The following EVA1A variants were observed in gnomAD, a reference collection of about 807,000 sequenced individuals.
The protein encoded by EVA1A is eva-1 homolog A, regulator of programmed cell death, also known as protein eva-1 homolog A.
A neutral mutation model predicts 9.8 loss-of-function variants in EVA1A; 7 were observed. That is an observed-to-expected ratio of 0.71 (90% CI 0.41 to 1.34). The LOEUF is 1.34. EVA1A is among the 40% of genes most tolerant of loss of function. The probability of loss-of-function intolerance (pLI) is 0.01; values close to 1 mark genes in which losing one functional copy is unlikely to be tolerated. For synonymous variants in EVA1A, 90 were observed against 85.6 expected (o/e 1.05, Z -0.28); for missense variants, 206 against 205.9 (o/e 1.00, Z 0.00).
rs1553421964 is a variant in EVA1A, at chr2:75,555,338, C to CTCTCTCT, written c.-192+5341_-192+5342insAGAGAGA. Among the ~76,000 whole-genome samples, 377 of 40,134 alleles carry CTCTCTCT rather than the reference C, an allele frequency of 9.4e-3. 3 individuals are homozygous for CTCTCTCT. The highest frequency in any genetic ancestry group is 0.026 in the African/African-American group (359 of 13,594). 26.3% of individuals were successfully genotyped at this position (40,134 alleles called of 152,430 possible). A position where few individuals can be genotyped will look rare whatever the true frequency, so the allele number is the denominator to read the frequency against. On this transcript the variant is annotated intron_variant, in intron 1 of 3. Transcript: ENST00000393913. ...CTCTCTCTCTCTCTCTCTCTCTCTCCCCCATCTCCCCTTCTTTCCCTCTGT... is the reference window on the plus strand; with the variant it reads ...CTCTCTCTCTCTCTCTCTCTCTCTCCTCTCTCTCCCATCTCCCCTTCTTTCCCTCTGT...
Position 75,493,236 on chromosome 2 carries a change from C to T in EVA1A, c.459G>A (p.Ter153=), listed in dbSNP as rs1347362339. 1 of 1,609,742 alleles carries T rather than the reference C, an allele frequency of 6.2e-7. No individual in the cohort carries two copies. The highest frequency in any genetic ancestry group is 8.5e-7 in the Non-Finnish European group (1 of 1,177,824). Residue 153 remains the stop codon, a stop_retained_variant, in exon 4 of 4, where the codon TAG becomes TAA. Coordinates refer to ENST00000393913, the MANE Select transcript of EVA1A (RefSeq NM_001135032.2). ...PGTRSLNRYY[*] ...GTGGTTTCCGGGGTCCTGCTGCTCC[C>T]TAATAGTAGCGATTCAGGCTCCTGG... is the stretch of plus-strand genomic sequence containing the variant.
chr2:75,503,006 TGCC>T (rs1674482723), intron 3 of EVA1A, among the ~76,000 whole-genome samples: 1 of 152,220 alleles, frequency 6.6e-6, no homozygotes, highest in Non-Finnish European at 1.5e-5. Flanking sequence ...ACCACTGTTC[TGCC>T]TCTGTAGCTT....
chr2:75,496,164 G>A (rs985020292), intron 3 of EVA1A, among the ~76,000 whole-genome samples: 4 of 152,124 alleles, frequency 2.6e-5, no homozygotes, highest in African/African-American at 7.2e-5. Flanking sequence ...ACAAAAGGTG[G>A]TCTTGTAAGA....
rs143933884 is a variant in EVA1A at position 75,556,394 on chromosome 2, A to T, written c.-192+4286T>A. On this transcript the variant is annotated intron_variant, in intron 1 of 3. Transcript: ENST00000393913. ...AAAGTGGCAGCCAACGAAGTGTGAC[A>T]TCAGAGGCCTCAAGACCTGGCACCA... Among the ~76,000 whole-genome samples, 226 of 152,336 alleles carry T rather than the reference A, an allele frequency of 1.5e-3. 1 individual carries two copies. Among genetic ancestry groups the T allele is most frequent in the East Asian group, 0.015 (76 of 5,184 alleles).
In EVA1A at chr2:75,543,517, G is replaced by GA. The variant is rs796911668; in HGVS notation, c.-192+17162dup. Among the ~76,000 whole-genome samples, 491 of 147,736 alleles carry GA rather than the reference G, an allele frequency of 3.3e-3. 2 individuals are homozygous for GA. Among genetic ancestry groups the GA allele is most frequent in the African/African-American group, 0.011 (440 of 40,190 alleles). ...GGAAGTCAGCAGGAGGTGAGTGGGT[G>GA]AAAAAAAAACAAAAAAAACCTTGAC... On this transcript the variant is annotated intron_variant, in intron 1 of 3. Transcript: ENST00000393913.
In EVA1A at chr2:75,518,698, G is replaced by A. The variant is rs576697740; in HGVS notation, c.-68-490C>T. The A allele has an allele frequency of 1.0e-5, 10 of 987,144 alleles. No homozygotes were observed. The South Asian group carries it at 1.4e-4, about 14-fold the overall frequency. 61.1% of individuals were successfully genotyped at this position (987,144 alleles called of 1,614,324 possible). ...GTTCACCTTTGAGGCACAGCCCATC[G>A]GGTTCAAATCATCGTCACATTCATC... On this transcript the variant is annotated intron_variant, in intron 2 of 3. Transcript: ENST00000393913.
chr2:75,508,844 G>T (rs1674711714), intron 3 of EVA1A, among the ~76,000 whole-genome samples: 1 of 152,046 alleles, frequency 6.6e-6, no homozygotes, highest in Non-Finnish European at 1.5e-5. Context: ...CAAGCTGGCG[G>T]ACGCTTAGGG....
chr2:75,492,340 T>G lies in EVA1A; in HGVS notation c.*896A>C, dbSNP rs544965820. 1 of 152,086 alleles carries G rather than the reference T, an allele frequency of 6.6e-6. No individual in the cohort carries two copies. The highest frequency in any genetic ancestry group is 2.4e-5 in the African/African-American group (1 of 41,504). 9.4% of individuals were successfully genotyped at this position (152,086 alleles called of 1,614,324 possible). On this transcript the variant is annotated 3_prime_UTR_variant, in exon 4 of 4. Transcript: ENST00000393913. The stretch of plus-strand genomic sequence containing the variant: ...AAAAAGATTTTATGTAATGTTTATT[T>G]TTTTAATTCCCATCCTAACTTTGGC...
upstream of EVA1A, among the ~76,000 whole-genome samples, chr2:75,564,462 G>GAC (rs2104005408): frequency 6.6e-6 from 1 of 152,350 alleles, no homozygotes; most frequent in African/African-American, 2.4e-5. Flanking sequence ...CCAGCAGAGT[G>GAC]CACAGGGCTC....
intron 3 of EVA1A, among the ~76,000 whole-genome samples, chr2:75,496,777 A>G (rs1410508746): frequency 6.6e-6 from 1 of 152,178 alleles, no homozygotes; most frequent in Admixed American, 6.5e-5. Flanking sequence ...CACATTACCC[A>G]ACTTCAAGTT....
At chr2:75,566,390 C>T (rs1677029433) in intron 1 of EVA1A, among the ~76,000 whole-genome samples, 1 of 152,112 alleles carries the variant, frequency 6.6e-6, no homozygotes, top group African/African-American at 2.4e-5. Flanking sequence ...AAAGTTTTAC[C>T]TGTACAAAGG....
chr2:75,525,363 T>A (rs576658808), intron 1 of EVA1A, among the ~76,000 whole-genome samples: 3 of 152,200 alleles, frequency 2.0e-5, no homozygotes, highest in Admixed American at 1.3e-4. Flanking sequence ...TACATCTTCA[T>A]AGGAACTTAT....
At chr2:75,501,968 G>A (rs188338145) in intron 3 of EVA1A, among the ~76,000 whole-genome samples, 23 of 152,224 alleles carry the variant, frequency 1.5e-4, no homozygotes, top group South Asian at 1.0e-3. Flanking sequence ...TCAACCCAAG[G>A]AAGACAATTC....
intron 1 of EVA1A, among the ~76,000 whole-genome samples, chr2:75,533,906 G>A (rs1342926617): frequency 1.3e-5 from 2 of 151,946 alleles, no homozygotes; most frequent in African/African-American, 4.8e-5. Context: ...CCGCCTCCCA[G>A]GTTCACGCCA....
chr2:75,539,170 G>T (rs976424293), intron 1 of EVA1A, among the ~76,000 whole-genome samples: 2 of 152,120 alleles, frequency 1.3e-5, no homozygotes, highest in Non-Finnish European at 2.9e-5. Context: ...AGTTCAACCA[G>T]GATATTAGGG....
At chr2:75,545,096 AT>A in intron 1 of EVA1A, among the ~76,000 whole-genome samples, 1 of 152,360 alleles carries the variant, frequency 6.6e-6, no homozygotes, top group Non-Finnish European at 1.5e-5. Context: ...TGTTATAGTC[AT>A]TAATATTCCA....
chr2:75,556,814 C>T lies in EVA1A; in HGVS notation c.-192+3866G>A, dbSNP rs149427332. 1.5e-3 allele frequency among the ~76,000 whole-genome samples: 232 copies of T among 152,242 alleles called. 2 individuals carry two copies. The highest frequency in any genetic ancestry group is 2.5e-3 in the Non-Finnish European group (168 of 68,010). The stretch of plus-strand genomic sequence containing the variant: ...GCACAAACTAGATCCTTCACCCATG[C>T]GGCTTGCAATAGGGTTCATGCTCCT... On this transcript the variant is annotated intron_variant, in intron 1 of 3. Transcript: ENST00000393913.
intron 1 of EVA1A, among the ~76,000 whole-genome samples, chr2:75,568,968 A>T (rs1677077310): frequency 6.6e-6 from 1 of 152,102 alleles, no homozygotes; most frequent in South Asian, 2.1e-4. Flanking sequence ...TCACATAATG[A>T]CTTCTTTTCC....
At chr2:75,539,736 TAAAAAATTTTTAAAAATG>T (rs1440701723) in intron 1 of EVA1A, among the ~76,000 whole-genome samples, 3 of 152,078 alleles carry the variant, frequency 2.0e-5, no homozygotes, top group Admixed American at 6.6e-5. Context: ...ACTAAAAAAT[TAAAAAATTTTTAAAAATG>T]AAAAATAAAA....
Sources: gnomAD v4.1 joint callset for allele counts (sites outside exome capture counted in the v4.1 genomes callset) on GRCh38, gnomAD v4.1.1 for gene constraint, MANE v1.5 for transcripts, NCBI Gene and HGNC (gene_info 2026-07-23, HGNC 2026-07-21) for gene names.